Variants in ZNF425 observed in about 807,000 individuals in gnomAD.
ZNF425 encodes zinc finger protein 425.
In ZNF425, 21 loss-of-function variants were observed where a neutral mutation model predicts 17.0. The observed-to-expected ratio is 1.23, with a 90% CI of 0.88 to 1.78. The LOEUF (loss-of-function observed/expected upper bound fraction) is 1.78, where lower values mean the gene tolerates loss of function less well. Ranked by LOEUF, ZNF425 falls within the 40% of genes most tolerant of loss-of-function variation. The pLI is 0.00. For synonymous variants in ZNF425, 433 were observed against 384.1 expected, an observed-to-expected ratio of 1.13 and a Z score of -1.49; for missense variants, 868 against 967.3, an observed-to-expected ratio of 0.90 and a Z score of 1.36.
chr7:149,118,719 G>A, intron 1 of ZNF425: 1 of 345,800 alleles, frequency 2.9e-6, no homozygotes, highest in Non-Finnish European at 5.8e-6. Flanking sequence ...GGAAGCTGAG[G>A]CAGGAGAATC....
At chr7:149,119,288 C>A (rs552937132) in intron 1 of ZNF425, among the ~76,000 whole-genome samples, 1 of 152,072 alleles carries the variant, frequency 6.6e-6, no homozygotes, top group South Asian at 2.1e-4. Flanking sequence ...AGAGACCAAC[C>A]TGGCCAACGT....
intron 3 of ZNF425, among the ~76,000 whole-genome samples, chr7:149,109,081 CTTT>C (rs774851748): frequency 2.2e-5 from 3 of 138,804 alleles, no homozygotes; most frequent in Admixed American, 7.3e-5. Flanking sequence ...TTTTTTCTTT[CTTT>C]TTTTTTTTTT....
chr7:149,104,073 G>A lies in ZNF425; in HGVS notation c.1798C>T (p.His600Tyr), dbSNP rs1182685802. ...TYTHQSQLTE[H>Y]LRLHSGEKPY... Reference sequence around the variant, plus strand: ...TTCTCTCCACTGTGCAGCCTCAGGTGCTCGGTGAGCTGAGACTGATGCGTG... The same window carrying A: ...TTCTCTCCACTGTGCAGCCTCAGGTACTCGGTGAGCTGAGACTGATGCGTG... Residue 600 changes from histidine (H) to tyrosine (Y), a missense_variant, in exon 4 of 4, where the codon CAC becomes TAC. Physicochemically the swap from His to Tyr is moderately conservative, Grantham distance 83 (BLOSUM62 2). Around this residue, in one of 5 missense-constraint regions of ZNF425, gnomAD observed 437 missense variants for 444.2 expected, o/e 0.98. Coordinates refer to ENST00000378061, the MANE Select transcript of ZNF425 (RefSeq NM_001001661.3). This position sits in a 1 kb window ranked among gnomAD's most constrained non-coding sequence, Gnocchi z 4.3. 2.5e-6 allele frequency: 4 copies of A among 1,613,010 alleles called. No individual in the cohort carries two copies. The highest frequency in any genetic ancestry group is 1.3e-5 in the African/African-American group (1 of 74,924).
Position 149,126,273 on chromosome 7 carries a change from C to A in ZNF425, c.-60G>T. The stretch of plus-strand genomic sequence containing the variant: ...GCCTCCCCTCCGCTCCGCCCCAACC[C>A]AACTCCCAGGTACAGCCCTGCTGGC... On this transcript the variant is annotated 5_prime_UTR_variant, in exon 1 of 4. Coordinates refer to ENST00000378061, the MANE Select transcript of ZNF425 (RefSeq NM_001001661.3). The A allele has an allele frequency of 1.3e-6, 2 of 1,589,650 alleles. No homozygotes were observed. Among genetic ancestry groups the A allele is most frequent in the South Asian group, 1.1e-5 (1 of 88,214 alleles).
rs760302555 is a variant in ZNF425 at position 149,105,347 on chromosome 7, C to T, written c.524G>A (p.Arg175Gln). 7.4e-6 allele frequency: 12 copies of T among 1,613,908 alleles called. No homozygotes were observed. The highest frequency in any genetic ancestry group is 2.2e-5 in the East Asian group (1 of 44,878). Residue 175 changes from arginine (R) to glutamine (Q), a missense_variant, in exon 4 of 4, where the codon CGG (arginine) becomes CAG (glutamine). Physicochemically the swap from Arg to Gln is conservative, Grantham distance 43. This residue lies in a region of ZNF425 where 179 missense variants were observed against 216.3 expected (regional missense o/e 0.83). Transcript: ENST00000378061. ...PDKKDLRHKP[R>Q]ETPGRLEIPT... Reference sequence around the variant, plus strand: ...AATTTCTAAGCGCCCTGGGGTCTCCCGAGGCTTATGCCGCAGGTCTTTCTT... The same window carrying T: ...AATTTCTAAGCGCCCTGGGGTCTCCTGAGGCTTATGCCGCAGGTCTTTCTT...
chr7:149,103,957 G>A lies in ZNF425; in HGVS notation c.1914C>T (p.Phe638=), dbSNP rs778535620. The A allele has an allele frequency of 2.0e-5, 33 of 1,614,148 alleles. No individual in the cohort carries two copies. The highest frequency in any genetic ancestry group is 9.9e-5 in the South Asian group (9 of 91,090). The change falls in exon 4 of 4, where the codon TTC becomes TTT. Residue 638 remains phenylalanine, a synonymous_variant. Transcript: ENST00000378061. ...HLLQHSGQKP[F]SCVMCGKSFT... ...AACTTTTGCCGCACATCACACAAGA[G>A]AATGGCTTTTGGCCACTGTGCTGCA...
chr7:149,104,396 TG>T lies in ZNF425; in HGVS notation c.1474del (p.His492ThrfsTer26). 1 of 1,607,994 alleles carries T rather than the reference TG, an allele frequency of 6.2e-7. No homozygotes were observed. The highest frequency in any genetic ancestry group is 8.5e-7 in the Non-Finnish European group (1 of 1,177,012). ...GCAGGGAAACTCCTTCTGCCTGTCG[TG>T]GACTCTGGTGTGGCAGGCGAGCTTG... ...PSKLACHTRV[H>X]DRQKEFPCGE... On this transcript the variant is annotated frameshift_variant, in exon 4 of 4. Coordinates refer to ENST00000378061, the MANE Select transcript of ZNF425 (RefSeq NM_001001661.3). LOFTEE classifies it low-confidence loss of function (END_TRUNC). This position sits in a 1 kb window ranked among gnomAD's most constrained non-coding sequence, Gnocchi z 4.3.
chr7:149,112,008 A>T, intron 3 of ZNF425, 129 bp downstream of exon 3: 1 of 940,626 alleles, frequency 1.1e-6, no homozygotes, highest in Non-Finnish European at 1.6e-6. Flanking sequence ...TTGAGTAAAG[A>T]AAACTAACAT....
At chr7:149,123,741 AG>A (rs1563149555) in intron 1 of ZNF425, among the ~76,000 whole-genome samples, 1 of 151,452 alleles carries the variant, frequency 6.6e-6, no homozygotes, top group Non-Finnish European at 1.5e-5. Flanking sequence ...CATGTTGGCC[AG>A]GCTGGTCTGG....
chr7:149,118,421 T>C lies in ZNF425; in HGVS notation c.19-73A>G, dbSNP rs572100742. 56 of 1,531,686 alleles carry C rather than the reference T, an allele frequency of 3.7e-5. 1 individual carries two copies. In the South Asian group the frequency reaches 5.4e-4, roughly 15 times the overall value. 94.9% of individuals were successfully genotyped at this position (1,531,686 alleles called of 1,614,324 possible). ...TTGTTTTTCAATGTCCATTACTTTA[T>C]TGAGATACAGAAAGAAAACATGTTA... On this transcript the variant is annotated intron_variant, in intron 1 of 3. Transcript: ENST00000378061.
At position 149,123,841 on chromosome 7, in the gene ZNF425, CTTTTT is replaced by C. The variant is rs11301508; in HGVS notation, c.18+2350_18+2354del. ...GCCACTGCGCCCGGACTTGCTTTTT[CTTTTT>C]TTTTTTTTTTTTCCTTTTTGAGACG... On this transcript the variant is annotated intron_variant, in intron 1 of 3. Transcript: ENST00000378061. Among the ~76,000 whole-genome samples, 12 of 128,176 alleles carry C rather than the reference CTTTTT, an allele frequency of 9.4e-5. No individual in the cohort carries two copies. In the East Asian group the frequency reaches 2.8e-3, roughly 30 times the overall value. 84.1% of individuals were successfully genotyped at this position (128,176 alleles called of 152,430 possible). A position where few individuals can be genotyped will look rare whatever the true frequency, so the allele number is the denominator to read the frequency against.
Position 149,103,712 on chromosome 7 carries a change from C to T in ZNF425, c.2159G>A (p.Arg720Lys). Residue 720 changes from arginine to lysine, a missense_variant, in exon 4 of 4, where the codon AGG becomes AAG. Physicochemically the swap from Arg to Lys is conservative, Grantham distance 26. Around this residue, in one of 5 missense-constraint regions of ZNF425, gnomAD observed 437 missense variants for 444.2 expected, o/e 0.98. Coordinates refer to ENST00000378061, the MANE Select transcript of ZNF425 (RefSeq NM_001001661.3). ...TCCACACTCATCACAAGAAAAAGGC[C>T]TCTCCCCACTGTGAAGGCACAGATG... ...KAHLCLHSGERPFSCDECGRS... is the reference protein window; with the variant it reads ...KAHLCLHSGEKPFSCDECGRS... 6.2e-7 allele frequency: 1 copy of T among 1,614,218 alleles called. No individual in the cohort carries two copies. The highest frequency in any genetic ancestry group is 8.5e-7 in the Non-Finnish European group (1 of 1,180,054).
chr7:149,108,697 T>C (rs1345947923), intron 3 of ZNF425, among the ~76,000 whole-genome samples: 2 of 152,058 alleles, frequency 1.3e-5, no homozygotes, highest in East Asian at 3.9e-4. Flanking sequence ...ATGGAGACCA[T>C]CCTGGCTAAC....
chr7:149,112,967 G>A (rs946683073), intron 2 of ZNF425, among the ~76,000 whole-genome samples: 16 of 143,072 alleles, frequency 1.1e-4, no homozygotes, highest in South Asian at 4.4e-4. Context: ...GCCCAGCCCC[G>A]TGACCCTTTT....
intron 1 of ZNF425, among the ~76,000 whole-genome samples, chr7:149,120,920 G>T (rs1439940192): frequency 6.6e-6 from 1 of 152,110 alleles, no homozygotes; most frequent in Non-Finnish European, 1.5e-5. Flanking sequence ...CAAAAGAGCT[G>T]TTATGGACAA....
At chr7:149,107,312 G>GATTT (rs915413085) in intron 3 of ZNF425, among the ~76,000 whole-genome samples, 2,511 of 147,226 alleles carry the variant, frequency 0.017, 89 homozygotes, top group African/African-American at 0.057. Flanking sequence ...TTATAAGAAT[G>GATTT]ATTTATTTAT....
intron 1 of ZNF425, 102 bp downstream of exon 1, chr7:149,126,094 C>A: frequency 6.3e-7 from 1 of 1,584,154 alleles, no homozygotes; most frequent in East Asian, 2.3e-5. Flanking sequence ...AACCCCCAGG[C>A]CCAGGCCCCG....
intron 3 of ZNF425, among the ~76,000 whole-genome samples, chr7:149,106,664 G>T (rs1826085734): frequency 6.6e-6 from 1 of 152,046 alleles, no homozygotes; most frequent in Non-Finnish European, 1.5e-5. Context: ...CATGTGTTAA[G>T]AAATAACTTA....
intron 2 of ZNF425, among the ~76,000 whole-genome samples, chr7:149,112,691 G>C (rs954064702): frequency 6.6e-6 from 1 of 151,752 alleles, no homozygotes; most frequent in Non-Finnish European, 1.5e-5. Flanking sequence ...TTTGAGACAG[G>C]GTCTCACTCT....
Sources: allele counts gnomAD v4.1 joint callset (sites outside exome capture counted in the v4.1 genomes callset), GRCh38; gene constraint gnomAD v4.1.1; regional missense constraint gnomAD v4.1.1; non-coding constraint Gnocchi (gnomAD v3.1); transcripts MANE v1.5; gene names NCBI Gene and HGNC (gene_info 2026-07-23, HGNC 2026-07-21).